Variants in ZFPM2 observed in about 807,000 individuals in gnomAD.
The protein encoded by ZFPM2 is zinc finger protein ZFPM2.
In ZFPM2, 20 loss-of-function variants were observed where a neutral mutation model predicts 98.6. That is an observed-to-expected ratio of 0.20 (90% CI 0.14 to 0.29). The LOEUF is 0.29. Ranked by LOEUF, ZFPM2 falls within the 10% of genes least tolerant of loss-of-function variation. The pLI, the probability that ZFPM2 is intolerant of heterozygous loss-of-function variation, is 1.00. For synonymous variants in ZFPM2, 518 were observed against 502.7 expected (o/e 1.03, Z -0.41); for missense variants, 1,310 against 1,388.6 (o/e 0.94, Z 0.90).
intron 1 of ZFPM2, among the ~76,000 whole-genome samples, chr8:105,356,530 G>T (rs752414324): frequency 1.1e-4 from 17 of 152,304 alleles, no homozygotes; most frequent in Admixed American, 9.2e-4. Context: ...GTAAGCAGTT[G>T]TGTTGCTTTT....
At chr8:105,513,081 G>A (rs1253905414) in intron 3 of ZFPM2, among the ~76,000 whole-genome samples, 1 of 152,132 alleles carries the variant, frequency 6.6e-6, no homozygotes, top group South Asian at 2.1e-4. Context: ...GTGAGTTTCA[G>A]TGGGCTCTTT....
At chr8:105,482,242 A>G (rs545951631) in intron 3 of ZFPM2, among the ~76,000 whole-genome samples, 1 of 152,206 alleles carries the variant, frequency 6.6e-6, no homozygotes, top group Non-Finnish European at 1.5e-5. Context: ...TTATCTAATT[A>G]CTCTATCCTT....
chr8:105,379,982 G>A (rs1810812192), intron 1 of ZFPM2, among the ~76,000 whole-genome samples: 1 of 152,098 alleles, frequency 6.6e-6, no homozygotes, highest in African/African-American at 2.4e-5. Context: ...AGTCCTGAGA[G>A]TGCCTGCGCA....
In ZFPM2 at chr8:105,568,817, ACTCACCTCCCCAGGTGATG is replaced by A. The variant is rs550431784; in HGVS notation, c.420+7350_420+7368del. Among the ~76,000 whole-genome samples the A allele has an allele frequency of 1.3e-4, 19 of 151,830 alleles. No homozygotes were observed. In the East Asian group the frequency reaches 2.9e-3, roughly 23 times the overall value. On this transcript the variant is annotated intron_variant, in intron 4 of 7. Transcript: ENST00000407775. ...AAAGCCTAAAAAAGGCCTTCCTGTT[ACTCACCTCCCCAGGTGATG>A]CTCACCTCCCCAGTTCTGACCCCTT...
At chr8:105,641,152 C>T (rs545500198) in intron 5 of ZFPM2, among the ~76,000 whole-genome samples, 1 of 152,128 alleles carries the variant, frequency 6.6e-6, no homozygotes, top group African/African-American at 2.4e-5. Flanking sequence ...TGTAAAATTA[C>T]ATTATCAGTG....
intron 4 of ZFPM2, among the ~76,000 whole-genome samples, chr8:105,598,066 CTTT>C (rs76865028): frequency 2.3e-5 from 3 of 130,178 alleles, no homozygotes. Flanking sequence ...AAAAAAAAAC[CTTT>C]TTTTTTTTTT....
chr8:105,599,895 T>A (rs1398281939), intron 4 of ZFPM2, among the ~76,000 whole-genome samples: 1 of 152,122 alleles, frequency 6.6e-6, no homozygotes, highest in Non-Finnish European at 1.5e-5. Flanking sequence ...ATTCTCCACC[T>A]CTTAAGAGAT....
intron 5 of ZFPM2, among the ~76,000 whole-genome samples, chr8:105,703,469 A>G (rs1308105127): frequency 6.6e-6 from 1 of 152,212 alleles, no homozygotes; most frequent in Non-Finnish European, 1.5e-5. Context: ...AACGAAGGGA[A>G]GGGCAATCGA....
intron 5 of ZFPM2, among the ~76,000 whole-genome samples, chr8:105,711,146 A>G (rs1811385952): frequency 6.6e-6 from 1 of 152,158 alleles, no homozygotes; most frequent in Non-Finnish European, 1.5e-5. Context: ...AAAGGAGTTT[A>G]AAAATAAAAT....
At chr8:105,583,837 T>A (rs1263820508) in intron 4 of ZFPM2, among the ~76,000 whole-genome samples, 7 of 152,204 alleles carry the variant, frequency 4.6e-5, no homozygotes. Flanking sequence ...TACTCTGAAC[T>A]GAACCTGTCA....
In ZFPM2 at chr8:105,539,412, T is replaced by C. The variant is rs1156329700; in HGVS notation, c.302-21951T>C. On this transcript the variant is annotated intron_variant, in intron 3 of 7. Transcript: ENST00000407775. ...CATCTAATCTATGGTAATTTGTTTA[T>C]AGTAAACATCATAGGGGTGTCTTTC... Among the ~76,000 whole-genome samples, 4 of 152,226 alleles carry C rather than the reference T, an allele frequency of 2.6e-5. No individual in the cohort carries two copies. The East Asian group carries it at 7.7e-4, about 29-fold the overall frequency.
intron 5 of ZFPM2, among the ~76,000 whole-genome samples, chr8:105,682,654 A>C (rs760737431): frequency 4.6e-5 from 7 of 152,154 alleles, no homozygotes; most frequent in Non-Finnish European, 8.8e-5. Flanking sequence ...AAATTACTAC[A>C]ATAACCCTAG....
In ZFPM2 at chr8:105,402,536, G is replaced by A. The variant is rs541551143; in HGVS notation, c.41-16608G>A. Among the ~76,000 whole-genome samples the A allele has an allele frequency of 2.0e-5, 3 of 151,886 alleles. No individual in the cohort carries two copies. In the South Asian group the frequency reaches 6.2e-4, roughly 32 times the overall value. ...CGTCTTTAGAGAGGAATAAAAATGG[G>A]ATCCTTTGGCTTCTTTTCAGCCCCA... is the stretch of plus-strand genomic sequence containing the variant. On this transcript the variant is annotated intron_variant, in intron 1 of 7. Transcript: ENST00000407775.
intron 3 of ZFPM2, among the ~76,000 whole-genome samples, chr8:105,532,863 G>GT (rs35992494): frequency 7.1e-4 from 107 of 150,390 alleles, no homozygotes; most frequent in East Asian, 9.8e-4. Flanking sequence ...GTGGCATTAA[G>GT]TTTTTTTTTT....
intron 4 of ZFPM2, among the ~76,000 whole-genome samples, chr8:105,620,101 C>T (rs1436086834): frequency 3.3e-5 from 5 of 152,144 alleles, no homozygotes; most frequent in African/African-American, 7.2e-5. Flanking sequence ...CTTGAGGAAT[C>T]GCCACACTGT....
chr8:105,798,830 G>T lies in ZFPM2; in HGVS notation c.846G>T (p.Pro282=). ...GTGGGAGGCAAAGAGAAGCTGCTCC[G>T]GTGTCAGAGGAAAATGAAGACAGTG... ...YCSGRQREAA[P]VSEENEDSAH... The change falls in exon 7 of 8, where the codon CCG becomes CCT. Residue 282 remains proline, a synonymous_variant. Coordinates refer to ENST00000407775, the MANE Select transcript of ZFPM2 (RefSeq NM_012082.4). 1 of 1,613,910 alleles carries T rather than the reference G, an allele frequency of 6.2e-7. No individual in the cohort carries two copies.
intron 3 of ZFPM2, among the ~76,000 whole-genome samples, chr8:105,556,057 G>A (rs1814982647): frequency 6.6e-6 from 1 of 152,188 alleles, no homozygotes; most frequent in African/African-American, 2.4e-5. Flanking sequence ...TGGCCAAGAA[G>A]TAGCTAGTGA....
At chr8:105,368,331 G>A (rs1810549511) in intron 1 of ZFPM2, among the ~76,000 whole-genome samples, 1 of 152,074 alleles carries the variant, frequency 6.6e-6, no homozygotes, top group African/African-American at 2.4e-5. Context: ...ATTCTTTTAA[G>A]GAGATAAGTA....
intron 5 of ZFPM2, among the ~76,000 whole-genome samples, chr8:105,742,341 G>T (rs1812236675): frequency 6.9e-6 from 1 of 145,418 alleles, no homozygotes; most frequent in South Asian, 2.2e-4. Context: ...TCATACCATT[G>T]CACTCCAGCT....
Sources: gnomAD v4.1 joint callset for allele counts (sites outside exome capture counted in the v4.1 genomes callset) on GRCh38, gnomAD v4.1.1 for gene constraint, MANE v1.5 for transcripts, NCBI Gene and HGNC (gene_info 2026-07-23, HGNC 2026-07-21) for gene names.